The following FBP1 variants were observed in gnomAD, a reference collection of about 807,000 sequenced individuals.
FBP1 encodes the protein fructose-1,6-bisphosphatase 1.
A neutral mutation model predicts 29.9 loss-of-function variants in FBP1; 22 were observed. The observed-to-expected ratio is 0.74, with a 90% CI of 0.53 to 1.05. The LOEUF is 1.05. Ranked by LOEUF, FBP1 falls within the 50% of genes least tolerant of loss-of-function variation. The pLI, the probability that FBP1 is intolerant of heterozygous loss-of-function variation, is 0.00. For missense variants in FBP1, 345 were observed against 448.2 expected (o/e 0.77, Z 2.08); for synonymous variants, 175 against 178.6 (o/e 0.98, Z 0.16).
chr9:94,638,892 G>C (rs1300129550), intron 1 of FBP1, among the ~76,000 whole-genome samples: 1 of 152,180 alleles, frequency 6.6e-6, no homozygotes, highest in Non-Finnish European at 1.5e-5. Context: ...ATGGAATCAG[G>C]TGTACACCTG....
At chr9:94,611,012 T>C (rs1247761249) in intron 3 of FBP1, among the ~76,000 whole-genome samples, 3 of 152,036 alleles carry the variant, frequency 2.0e-5, no homozygotes, top group East Asian at 1.9e-4. Flanking sequence ...TACAGGCGCC[T>C]GCCACCACAC....
intron 3 of FBP1, among the ~76,000 whole-genome samples, chr9:94,612,177 G>A (rs972685456): frequency 2.0e-5 from 3 of 152,106 alleles, no homozygotes; most frequent in African/African-American, 4.8e-5. Context: ...GTCAACATGC[G>A]CTGCCTGTCA....
intron 1 of FBP1, among the ~76,000 whole-genome samples, chr9:94,636,895 G>A (rs1307236895): frequency 6.6e-6 from 1 of 151,996 alleles, no homozygotes; most frequent in Non-Finnish European, 1.5e-5. Context: ...CACCATGTTG[G>A]CCAGGCTGGT....
intron 3 of FBP1, among the ~76,000 whole-genome samples, chr9:94,614,267 G>A (rs1047436765): frequency 2.0e-5 from 3 of 151,322 alleles, no homozygotes; most frequent in East Asian, 2.0e-4. Flanking sequence ...GTGGCCGGGC[G>A]CGGTGGCTCA....
intron 1 of FBP1, among the ~76,000 whole-genome samples, chr9:94,628,317 CA>C (rs1190161963): frequency 6.8e-6 from 1 of 146,092 alleles, no homozygotes; most frequent in Non-Finnish European, 1.5e-5. Context: ...ACCCAGGAGG[CA>C]AAGGTTGCAG....
chr9:94,604,946 C>T (rs190587580), intron 6 of FBP1, among the ~76,000 whole-genome samples: 1 of 152,274 alleles, frequency 6.6e-6, no homozygotes, highest in African/African-American at 2.4e-5. Context: ...ACTAGTGAGT[C>T]GGTGGTGACG....
At chr9:94,627,785 G>A (rs1475094054) in intron 1 of FBP1, among the ~76,000 whole-genome samples, 2 of 152,204 alleles carry the variant, frequency 1.3e-5, no homozygotes, top group East Asian at 3.9e-4. Flanking sequence ...GGCAGCAAAT[G>A]AGGCTGGAGG....
intron 3 of FBP1, among the ~76,000 whole-genome samples, chr9:94,613,017 G>A (rs536259867): frequency 1.3e-5 from 2 of 152,284 alleles, no homozygotes; most frequent in East Asian, 1.9e-4. Flanking sequence ...TGTAGGCACT[G>A]GCTCCATGTC....
At chr9:94,604,017 C>T in intron 6 of FBP1, 1 of 294,472 alleles carries the variant, frequency 3.4e-6, no homozygotes, top group South Asian at 3.5e-5. Context: ...CCGGCTCCTC[C>T]AAACAGTGTG....
At chr9:94,610,125 A>G in intron 3 of FBP1, 64 bp from the exon 4 acceptor site, 2 of 1,536,950 alleles carry the variant, frequency 1.3e-6, no homozygotes, top group Non-Finnish European at 8.9e-7. Context: ...TTACAGTTCA[A>G]CCATTAACAG....
chr9:94,628,799 T>G (rs1361738934), intron 1 of FBP1, among the ~76,000 whole-genome samples: 1 of 152,234 alleles, frequency 6.6e-6, no homozygotes, highest in Non-Finnish European at 1.5e-5. Flanking sequence ...GGTTTCCATA[T>G]ATCCAAGTTG....
At chr9:94,625,820 C>T (rs1053864289) in intron 1 of FBP1, among the ~76,000 whole-genome samples, 5 of 151,662 alleles carry the variant, frequency 3.3e-5, no homozygotes, top group African/African-American at 7.3e-5. Context: ...GAGCTGCCCG[C>T]GTCCACCAAA....
At chr9:94,605,884 A>G (rs1827691855) in intron 5 of FBP1, among the ~76,000 whole-genome samples, 1 of 152,144 alleles carries the variant, frequency 6.6e-6, no homozygotes, top group Non-Finnish European at 1.5e-5. Context: ...TAACACCTTA[A>G]AGGCTGAGAA....
chr9:94,607,024 C>A (rs935170687), intron 4 of FBP1, 72 bp from the exon 5 acceptor site: 38 of 1,601,642 alleles, frequency 2.4e-5, no homozygotes, highest in Non-Finnish European at 3.1e-5. Flanking sequence ...ATGAGGCGAG[C>A]GATGGGCTGG....
At chr9:94,638,086 CAAAAAA>C (rs11308338) in intron 1 of FBP1, among the ~76,000 whole-genome samples, 1 of 110,218 alleles carries the variant, frequency 9.1e-6, no homozygotes, top group Non-Finnish European at 1.9e-5. Context: ...AATTCCATCT[CAAAAAA>C]AAAAAAAAAA....
At chr9:94,639,738 C>T (rs1019452338), upstream of FBP1, among the ~76,000 whole-genome samples, 11 of 151,978 alleles carry the variant, frequency 7.2e-5, no homozygotes, top group African/African-American at 2.2e-4. Flanking sequence ...CCCACACACA[C>T]CCCTCCGTGC....
At chr9:94,618,304 T>C (rs923418493) in intron 2 of FBP1, among the ~76,000 whole-genome samples, 3 of 151,712 alleles carry the variant, frequency 2.0e-5, no homozygotes, top group African/African-American at 7.3e-5. Context: ...CAGATGCCCC[T>C]TGAGGTTGGG....
chr9:94,622,971 A>ATTATTTTTATTTTTATTT lies in FBP1; in HGVS notation c.171-2498_171-2481dup, dbSNP rs71366251. Among the ~76,000 whole-genome samples the ATTATTTTTATTTTTATTT allele has an allele frequency of 1.4e-4, 20 of 147,790 alleles. 1 individual carries two copies. Among genetic ancestry groups the ATTATTTTTATTTTTATTT allele is most frequent in the African/African-American group, 4.5e-4 (18 of 39,872 alleles). On this transcript the variant is annotated intron_variant, in intron 1 of 6. Transcript: ENST00000375326. ...GTTGCACTGTCAAAGTCACTTTATG[A>ATTATTTTTATTTTTATTT]TTATTTTTATTTTTATTTTTATTTT...
chr9:94,639,242 C>T lies in FBP1; in HGVS notation c.69G>A (p.Arg23=), dbSNP rs1225458408. The T allele has an allele frequency of 6.2e-7, 1 of 1,602,282 alleles. No homozygotes were observed. The highest frequency in any genetic ancestry group is 8.5e-7 in the Non-Finnish European group (1 of 1,174,642). Residue 23 remains arginine (R), a synonymous_variant, in exon 1 of 7, where the codon AGG becomes AGA. Transcript: ENST00000375326. ...TCAACTCGCCCGTGCCGCGGGCCTTCCTGCCCTCCTCCATGACGAAGCGGG... is the reference window on the plus strand; with the variant it reads ...TCAACTCGCCCGTGCCGCGGGCCTTTCTGCCCTCCTCCATGACGAAGCGGG... ...TLTRFVMEEG[R]KARGTGELTQ...
Sources: gnomAD v4.1 joint callset for allele counts (sites outside exome capture counted in the v4.1 genomes callset) on GRCh38, gnomAD v4.1.1 for gene constraint, MANE v1.5 for transcripts, NCBI Gene and HGNC (gene_info 2026-07-23, HGNC 2026-07-21) for gene names.